The following FSTL5 variants were observed in gnomAD, a reference collection of about 807,000 sequenced individuals.
FSTL5 encodes the protein follistatin like 5.
FSTL5 carries 62 observed loss-of-function variants against 89.1 expected under a neutral mutation model. The ratio of observed to expected loss-of-function variants is 0.70; its 90% CI spans 0.57 to 0.86. FSTL5 has a LOEUF of 0.86. Among genes scored for constraint, FSTL5 ranks in the 40% least tolerant of loss-of-function variants. The probability of loss-of-function intolerance (pLI) is 0.00; values close to 1 mark genes in which losing one functional copy is unlikely to be tolerated. For missense variants in FSTL5, 1,057 were observed against 1,001.6 expected, an observed-to-expected ratio of 1.06 and a Z score of -0.75; for synonymous variants, 383 against 346.2, an observed-to-expected ratio of 1.11 and a Z score of -1.18.
rs35577056 is a variant in FSTL5 at position 161,948,485 on chromosome 4, C to CTTTTTTT, written c.161-27840_161-27834dup. Among the ~76,000 whole-genome samples the CTTTTTTT allele has an allele frequency of 6.5e-4, 74 of 114,076 alleles. 1 individual carries two copies. Among genetic ancestry groups the CTTTTTTT allele is most frequent in the Non-Finnish European group, 9.1e-4 (53 of 58,394 alleles). 74.8% of individuals were successfully genotyped at this position (114,076 alleles called of 152,430 possible). A position where few individuals can be genotyped will look rare whatever the true frequency, so the allele number is the denominator to read the frequency against. On this transcript the variant is annotated intron_variant, in intron 3 of 15. Coordinates refer to ENST00000306100, the MANE Select transcript of FSTL5 (RefSeq NM_020116.5). ...TGAACGGAATTTTTTTCTTTTCTTT[C>CTTTTTTT]TTTTTTTTTTTTTTTTTTGGAGACA...
chr4:161,979,495 TAAAAAC>T (rs991625904), intron 3 of FSTL5, among the ~76,000 whole-genome samples: 7 of 152,088 alleles, frequency 4.6e-5, no homozygotes, highest in African/African-American at 1.7e-4. Context: ...TAGCTTGTCT[TAAAAAC>T]AAAATCTTCC....
intron 15 of FSTL5, among the ~76,000 whole-genome samples, chr4:161,446,630 G>T (rs2126380691): frequency 6.6e-6 from 1 of 152,016 alleles, no homozygotes; most frequent in Admixed American, 6.6e-5. Flanking sequence ...ATGAGAACTA[G>T]CTAATGCTAT....
chr4:161,579,771 A>AC (rs1733369283), intron 8 of FSTL5, among the ~76,000 whole-genome samples: 1 of 148,126 alleles, frequency 6.8e-6, no homozygotes, highest in African/African-American at 2.5e-5. Context: ...AAGAAAAAAA[A>AC]ATGGATGTGA....
At chr4:161,893,669 T>C (rs1459820736) in intron 4 of FSTL5, among the ~76,000 whole-genome samples, 1 of 152,190 alleles carries the variant, frequency 6.6e-6, no homozygotes, top group African/African-American at 2.4e-5. Context: ...GGATATTTAT[T>C]GCAGTCTCTG....
At chr4:161,943,738 G>A (rs1734659368) in intron 3 of FSTL5, among the ~76,000 whole-genome samples, 1 of 151,250 alleles carries the variant, frequency 6.6e-6, no homozygotes, top group Admixed American at 6.6e-5. Flanking sequence ...TGTATTTTTA[G>A]TAGAGATGGG....
intron 6 of FSTL5, among the ~76,000 whole-genome samples, chr4:161,752,192 T>C (rs1740416571): frequency 6.6e-6 from 1 of 151,904 alleles, no homozygotes; most frequent in Non-Finnish European, 1.5e-5. Flanking sequence ...GTGAAACCAC[T>C]ATAGATGTTA....
intron 7 of FSTL5, among the ~76,000 whole-genome samples, chr4:161,611,092 A>G (rs1734618176): frequency 6.6e-6 from 1 of 150,762 alleles, no homozygotes; most frequent in Non-Finnish European, 1.5e-5. Context: ...CCAAGGTCTC[A>G]GAGGAAGTGA....
chr4:161,838,307 T>A (rs1731106926), intron 4 of FSTL5, among the ~76,000 whole-genome samples: 1 of 152,188 alleles, frequency 6.6e-6, no homozygotes, highest in Admixed American at 6.5e-5. Context: ...CATATTAAAA[T>A]GTTTTCTGCT....
At chr4:161,425,420 G>A (rs939409075) in intron 15 of FSTL5, among the ~76,000 whole-genome samples, 1 of 152,160 alleles carries the variant, frequency 6.6e-6, no homozygotes, top group African/African-American at 2.4e-5. Flanking sequence ...AGCAGAACAG[G>A]TTTATAGAGC....
intron 2 of FSTL5, among the ~76,000 whole-genome samples, chr4:162,036,004 T>C (rs1343079736): frequency 6.6e-6 from 1 of 152,148 alleles, no homozygotes; most frequent in Non-Finnish European, 1.5e-5. Context: ...TCTAGTTCCC[T>C]GGCTAACCCT....
chr4:161,950,982 C>T (rs1250931330), intron 3 of FSTL5, among the ~76,000 whole-genome samples: 1 of 151,926 alleles, frequency 6.6e-6, no homozygotes, highest in Non-Finnish European at 1.5e-5. Flanking sequence ...AATTGTAGCT[C>T]CCGTAATTCC....
At chr4:161,502,629 T>G (rs962657223) in intron 11 of FSTL5, among the ~76,000 whole-genome samples, 5 of 151,892 alleles carry the variant, frequency 3.3e-5, no homozygotes, top group Non-Finnish European at 7.4e-5. Flanking sequence ...TTTAATGGTC[T>G]CTGCGAGTCC....
chr4:162,143,229 A>G (rs1311989652), intron 1 of FSTL5, among the ~76,000 whole-genome samples: 1 of 152,068 alleles, frequency 6.6e-6, no homozygotes, highest in East Asian at 1.9e-4. Context: ...TTTCTTGTAG[A>G]GATATTAAAT....
intron 10 of FSTL5, among the ~76,000 whole-genome samples, chr4:161,515,422 A>G (rs28823367): frequency 0.19 from 29,444 of 151,772 alleles, 3,101 homozygotes; most frequent in East Asian, 0.37. Context: ...GTTCAGGCTG[A>G]TCTCGAACTC....
chr4:161,473,739 C>A (rs572989164), intron 13 of FSTL5, among the ~76,000 whole-genome samples: 20 of 152,242 alleles, frequency 1.3e-4, no homozygotes, highest in African/African-American at 4.6e-4. Context: ...GCCCTTGTGA[C>A]TTTTTAAGTC....
intron 7 of FSTL5, among the ~76,000 whole-genome samples, chr4:161,633,782 C>G (rs1270056109): frequency 6.6e-6 from 1 of 151,986 alleles, no homozygotes; most frequent in Non-Finnish European, 1.5e-5. Flanking sequence ...AAATGCAAAG[C>G]AAATATAAAA....
At chr4:161,435,253 G>A (rs1036372083) in intron 15 of FSTL5, among the ~76,000 whole-genome samples, 17 of 152,088 alleles carry the variant, frequency 1.1e-4, no homozygotes, top group African/African-American at 3.1e-4. Flanking sequence ...AAAAAAATGA[G>A]ATATTGTTAT....
At chr4:161,704,661 A>G (rs184892349) in intron 6 of FSTL5, among the ~76,000 whole-genome samples, 3 of 152,208 alleles carry the variant, frequency 2.0e-5, no homozygotes, top group African/African-American at 7.2e-5. Flanking sequence ...AATAGCACCT[A>G]GTTAAGAGTA....
chr4:162,065,959 CT>C (rs1239948437), intron 2 of FSTL5, among the ~76,000 whole-genome samples: 1 of 151,930 alleles, frequency 6.6e-6, no homozygotes, highest in Non-Finnish European at 1.5e-5. Context: ...CATGCTTTAA[CT>C]TTTCTTGTAT....
Sources: gnomAD v4.1 joint callset for allele counts (sites outside exome capture counted in the v4.1 genomes callset) on GRCh38, gnomAD v4.1.1 for gene constraint, MANE v1.5 for transcripts, NCBI Gene and HGNC (gene_info 2026-07-23, HGNC 2026-07-21) for gene names.